DLGAP2: variants seen among roughly 807,000 people sequenced by gnomAD.
DLGAP2 encodes disks large-associated protein 2.
A neutral mutation model predicts 100.3 loss-of-function variants in DLGAP2; 26 were observed. The ratio of observed to expected loss-of-function variants is 0.26; its 90% CI spans 0.19 to 0.36. DLGAP2 has a LOEUF of 0.36. Ranked by LOEUF, DLGAP2 falls within the 10% of genes least tolerant of loss-of-function variation. DLGAP2 has a pLI of 1.00. For missense variants in DLGAP2, 1,858 were observed against 1,453.2 expected, an observed-to-expected ratio of 1.28 and a Z score of -4.53; for synonymous variants, 886 against 630.1, an observed-to-expected ratio of 1.41 and a Z score of -6.08.
chr8:954,937 A>T (rs1256904411), intron 2 of DLGAP2, among the ~76,000 whole-genome samples: 1 of 152,170 alleles, frequency 6.6e-6, no homozygotes, highest in African/African-American at 2.4e-5. Flanking sequence ...TTCCATTTCA[A>T]ATGGTCATCA....
At chr8:946,288 C>CGG (rs1354969682) in intron 2 of DLGAP2, among the ~76,000 whole-genome samples, 1 of 144,368 alleles carries the variant, frequency 6.9e-6, no homozygotes, top group African/African-American at 2.6e-5. Flanking sequence ...TTTTTTTTGA[C>CGG]AGTCTCACTC....
At chr8:738,153 A>C in intron 1 of DLGAP2, 1 of 124,088 alleles carries the variant, frequency 8.1e-6, no homozygotes, top group Non-Finnish European at 1.7e-5. Context: ...CCCGGGGTGG[A>C]GGGGGCAAAG....
chr8:1,011,887 T>C (rs1351655600), intron 2 of DLGAP2, among the ~76,000 whole-genome samples: 1 of 152,190 alleles, frequency 6.6e-6, no homozygotes, highest in Non-Finnish European at 1.5e-5. Context: ...GGATGGACGT[T>C]TTCCCAGGGC....
chr8:903,530 C>T (rs114965657), intron 1 of DLGAP2, among the ~76,000 whole-genome samples: 4 of 152,110 alleles, frequency 2.6e-5, no homozygotes, highest in East Asian at 1.9e-4. Context: ...CTGCCAGTGT[C>T]AGATTACTTC....
chr8:1,371,340 T>A (rs1053786908), intron 3 of DLGAP2, among the ~76,000 whole-genome samples: 1 of 152,210 alleles, frequency 6.6e-6, no homozygotes, highest in African/African-American at 2.4e-5. Context: ...TGCTGTATCC[T>A]CGTGGATGGC....
intron 3 of DLGAP2, among the ~76,000 whole-genome samples, chr8:1,320,438 G>C (rs181209446): frequency 6.6e-6 from 1 of 152,084 alleles, no homozygotes; most frequent in African/African-American, 2.4e-5. Flanking sequence ...GGGTGGGTGC[G>C]TGGAGCCCAG....
chr8:787,214 T>C (rs938952917), intron 1 of DLGAP2, among the ~76,000 whole-genome samples: 6 of 152,208 alleles, frequency 3.9e-5, no homozygotes, highest in African/African-American at 1.2e-4. Flanking sequence ...GACTGCTGTA[T>C]GTCTTTCCTG....
intron 3 of DLGAP2, among the ~76,000 whole-genome samples, chr8:1,472,061 G>C (rs1038228932): frequency 1.2e-4 from 19 of 152,246 alleles, no homozygotes; most frequent in Non-Finnish European, 2.2e-4. Flanking sequence ...TGGTCTCATA[G>C]CAGCCACGAT....
intron 1 of DLGAP2, among the ~76,000 whole-genome samples, chr8:904,246 G>A (rs1418977807): frequency 2.0e-5 from 3 of 152,188 alleles, no homozygotes; most frequent in East Asian, 1.9e-4. Context: ...CTGGCCAGGC[G>A]TGATGGCTCA....
intron 3 of DLGAP2, among the ~76,000 whole-genome samples, chr8:1,491,574 T>C (rs1799390591): frequency 6.6e-6 from 1 of 152,236 alleles, no homozygotes; most frequent in Non-Finnish European, 1.5e-5. Flanking sequence ...AAGGTGTCTT[T>C]AGTATAAAAC....
chr8:1,573,024 G>C (rs2956925), intron 6 of DLGAP2, among the ~76,000 whole-genome samples: 1 of 56,686 alleles, frequency 1.8e-5, no homozygotes, highest in Admixed American at 1.9e-4. Context: ...GAGAGAGGGT[G>C]GACTGTGGGG....
chr8:1,664,120 C>G (rs1237213480), intron 8 of DLGAP2, among the ~76,000 whole-genome samples: 1 of 152,218 alleles, frequency 6.6e-6, no homozygotes, highest in Non-Finnish European at 1.5e-5. Flanking sequence ...TGGGTGCGGG[C>G]ACAGCAGCAT....
In DLGAP2 at chr8:1,162,858, C is replaced by T. The variant is rs184315948; in HGVS notation, c.74-95993C>T. Among the ~76,000 whole-genome samples the T allele has an allele frequency of 1.8e-4, 28 of 152,306 alleles. No homozygotes were observed. In the East Asian group the frequency reaches 5.4e-3, roughly 29 times the overall value. On this transcript the variant is annotated intron_variant, in intron 2 of 14. Transcript: ENST00000637795. ...GGGTGCTGCTGTGGGCAGATGCTAG[C>T]CCCGGCACGGGGGCACCAGAAGAGG...
In DLGAP2 at chr8:1,584,931, TCTAA is replaced by T. The variant is rs370387072; in HGVS notation, c.1442+19040_1442+19043del. On this transcript the variant is annotated intron_variant, in intron 6 of 14. Coordinates refer to ENST00000637795, the MANE Select transcript of DLGAP2 (RefSeq NM_001346810.2). ...TTGTGCATACCAACTCTAGTCTTAT[TCTAA>T]CTTTTTTCTATTAGAAAAAATGTCC... Among the ~76,000 whole-genome samples, 12 of 152,346 alleles carry T rather than the reference TCTAA, an allele frequency of 7.9e-5. 1 individual carries two copies. The highest frequency in any genetic ancestry group is 2.6e-4 in the African/African-American group (11 of 41,576).
chr8:1,654,225 A>G (rs2130814511), intron 8 of DLGAP2, among the ~76,000 whole-genome samples: 1 of 152,350 alleles, frequency 6.6e-6, no homozygotes, highest in Non-Finnish European at 1.5e-5. Context: ...AAGATGTGTA[A>G]CAAATGCTAC....
chr8:1,665,986 G>A (rs1312446202), intron 8 of DLGAP2, among the ~76,000 whole-genome samples: 1 of 152,200 alleles, frequency 6.6e-6, no homozygotes, highest in Non-Finnish European at 1.5e-5. Context: ...ACACTGCCAG[G>A]AAAGGCGTCA....
chr8:1,606,708 G>A (rs1218810206), intron 6 of DLGAP2, among the ~76,000 whole-genome samples: 1 of 152,024 alleles, frequency 6.6e-6, no homozygotes, highest in Non-Finnish European at 1.5e-5. Flanking sequence ...TCTGAGATGA[G>A]GTCTCACTCT....
intron 2 of DLGAP2, among the ~76,000 whole-genome samples, chr8:1,067,922 T>G (rs1803308712): frequency 6.6e-6 from 1 of 151,982 alleles, no homozygotes; most frequent in Admixed American, 6.6e-5. Flanking sequence ...ACAGAGGAGT[T>G]TCTCTGTCCT....
intron 1 of DLGAP2, among the ~76,000 whole-genome samples, chr8:872,333 C>CT (rs1191019452): frequency 9.2e-4 from 92 of 100,148 alleles, no homozygotes; most frequent in East Asian, 3.0e-3. Context: ...CACTTCTTTT[C>CT]TTTTTTTTTT....
Sources: gnomAD v4.1 joint callset for allele counts (sites outside exome capture counted in the v4.1 genomes callset) on GRCh38, gnomAD v4.1.1 for gene constraint, MANE v1.5 for transcripts, NCBI Gene and HGNC (gene_info 2026-07-23, HGNC 2026-07-21) for gene names.